Variants in CDK10 observed in about 807,000 individuals in gnomAD.
The protein encoded by CDK10 is cyclin-dependent kinase 10.
A neutral mutation model predicts 51.0 loss-of-function variants in CDK10; 55 were observed. That is an observed-to-expected ratio of 1.08 (90% CI 0.87 to 1.35). The LOEUF (loss-of-function observed/expected upper bound fraction) is 1.35. Among genes scored for constraint, CDK10 ranks in the 40% most tolerant of loss-of-function variants. CDK10 has a pLI of 0.00. For missense variants in CDK10, 589 were observed against 485.1 expected (o/e 1.21, Z -2.01); for synonymous variants, 255 against 199.1 (o/e 1.28, Z -2.36).
intron 1 of CDK10, chr16:89,687,590 G>C: frequency 2.2e-6 from 1 of 447,590 alleles, no homozygotes; most frequent in Non-Finnish European, 4.6e-6. Context: ...TTGAGACAGG[G>C]TCTAGCGCTC....
intron 12 of CDK10, 41 bp downstream of exon 12, chr16:89,695,386 C>G (rs2060673809): frequency 6.3e-7 from 1 of 1,594,612 alleles, no homozygotes; most frequent in Non-Finnish European, 8.6e-7. Flanking sequence ...TGGGGTATGG[C>G]TGGGAGCCCG....
chr16:89,689,355 C>T, intron 2 of CDK10, 31 bp downstream of exon 2: 12 of 1,593,588 alleles, frequency 7.5e-6, no homozygotes, highest in South Asian at 1.1e-5. Flanking sequence ...CATGTGGCCG[C>T]AGCTCGTGGC....
intron 8 of CDK10, 183 bp downstream of exon 8, chr16:89,693,650 G>A (rs1005368872): frequency 1.6e-6 from 1 of 625,294 alleles, no homozygotes; most frequent in South Asian, 1.9e-5. Flanking sequence ...CCACAAAATG[G>A]TGAGAGACGG....
chr16:89,694,828 C>T (rs2060628448), intron 10 of CDK10, 40 bp downstream of exon 10: 1 of 1,202,248 alleles, frequency 8.3e-7, no homozygotes, highest in African/African-American at 1.7e-5. Context: ...CGCCCGTGCC[C>T]ACGCCCTCTG....
At chr16:89,690,699 C>T (rs2060405862) in intron 3 of CDK10, 75 bp downstream of exon 3, 26 of 1,280,888 alleles carry the variant, frequency 2.0e-5, no homozygotes, top group Non-Finnish European at 2.9e-5. Context: ...GAAGTTTCCT[C>T]AGAGCGACTG....
At chr16:89,690,921 T>TGCCATGCCCCA (rs1486610815) in intron 3 of CDK10, among the ~76,000 whole-genome samples, 71 of 152,230 alleles carry the variant, frequency 4.7e-4, no homozygotes, top group African/African-American at 1.6e-3. Flanking sequence ...GGCAGGGCCC[T>TGCCATGCCCCA]GCCATGCCCC....
chr16:89,691,760 C>A, intron 4 of CDK10, 46 bp from the exon 5 acceptor site: 1 of 1,579,192 alleles, frequency 6.3e-7, no homozygotes, highest in Non-Finnish European at 8.7e-7. Context: ...ACTTCCACCC[C>A]TTAGGAGAAG....
intron 6 of CDK10, 98 bp from the exon 7 acceptor site, chr16:89,693,176 A>C: frequency 9.9e-7 from 1 of 1,005,908 alleles, no homozygotes; most frequent in Non-Finnish European, 1.5e-6. Context: ...CCCAAAGCTG[A>C]GGAAACGTGC....
intron 12 of CDK10, 90 bp downstream of exon 12, chr16:89,695,435 CCTCA>C: frequency 6.7e-7 from 1 of 1,498,916 alleles, no homozygotes; most frequent in South Asian, 1.2e-5. Context: ...GGCCTGCTGC[CCTCA>C]CTGACGGCAC....
intron 1 of CDK10, among the ~76,000 whole-genome samples, chr16:89,688,872 G>A (rs1418050489): frequency 3.3e-5 from 5 of 152,148 alleles, no homozygotes; most frequent in Admixed American, 6.5e-5. Context: ...AGGCCAAGGC[G>A]GGCAGATCAC....
At chr16:89,687,627 G>A in intron 1 of CDK10, 1 of 444,444 alleles carries the variant, frequency 2.3e-6, no homozygotes. Context: ...GCAGTGGCGT[G>A]ATCACGGCTC....
intron 3 of CDK10, 109 bp from the exon 4 acceptor site, chr16:89,691,334 G>T: frequency 1.4e-6 from 1 of 718,576 alleles, no homozygotes; most frequent in Non-Finnish European, 2.2e-6. Flanking sequence ...CTGAGGTGGG[G>T]ACACTGCAGC....
Position 89,692,001 on chromosome 16 carries a change from C to G in CDK10, c.417+114C>G, listed in dbSNP as rs370046882. 9 of 810,694 alleles carry G rather than the reference C, an allele frequency of 1.1e-5. No individual in the cohort carries two copies. In the African/African-American group the frequency reaches 1.4e-4, roughly 12 times the overall value. 50.2% of individuals were successfully genotyped at this position (810,694 alleles called of 1,614,324 possible). ...TGAAGAGCTGCTGCTGCCTCTGCCTCCACCTCCCAGTGTTTCAGCGAGCTT... is the reference window on the plus strand; with the variant it reads ...TGAAGAGCTGCTGCTGCCTCTGCCTGCACCTCCCAGTGTTTCAGCGAGCTT... On this transcript the variant is annotated intron_variant, in intron 5 of 12. Coordinates refer to ENST00000353379, the MANE Select transcript of CDK10 (RefSeq NM_052988.5).
In CDK10 at chr16:89,691,441, A is replaced by G. The variant is rs774423581; in HGVS notation, c.233-2A>G. On this transcript the variant is annotated splice_acceptor_variant, in intron 3 of 12. Coordinates refer to ENST00000353379, the MANE Select transcript of CDK10 (RefSeq NM_052988.5). LOFTEE classifies it high-confidence loss of function. ...GCTCGCTGAGGCCACCTCCCTCCCC[A>G]GGCATCCCCATCAGCAGCTTGCGGG... 3 of 1,600,180 alleles carry G rather than the reference A, an allele frequency of 1.9e-6. No individual in the cohort carries two copies. Among genetic ancestry groups the G allele is most frequent in the Non-Finnish European group, 2.6e-6 (3 of 1,171,724 alleles).
At position 89,687,729 on chromosome 16, in the gene CDK10, G is replaced by A; in HGVS notation, c.87+932G>A. ...AGGCGTGAGCCACCGCCCCCAGCCT[G>A]GCCTGGCATTTCTTTGAGTTCAGGA... is the stretch of plus-strand genomic sequence containing the variant. On this transcript the variant is annotated intron_variant, in intron 1 of 12. Coordinates refer to ENST00000353379, the MANE Select transcript of CDK10 (RefSeq NM_052988.5). The A allele has an allele frequency of 1.1e-5, 4 of 379,508 alleles. 1 individual carries two copies. The highest frequency in any genetic ancestry group is 7.6e-5 in the South Asian group (4 of 52,958). The allele number at this position is 379,508 out of a possible 1,614,324, so 23.5% of individuals were successfully genotyped here.
rs767483667 is a variant in CDK10, at chr16:89,686,729, G to T, written c.19G>T (p.Glu7Ter). 6 of 1,609,666 alleles carry T rather than the reference G, an allele frequency of 3.7e-6. No homozygotes were observed. Among genetic ancestry groups the T allele is most frequent in the Non-Finnish European group, 5.1e-6 (6 of 1,177,984 alleles). The change falls in exon 1 of 13, where the codon GAG becomes TAG. Residue 7 changes from glutamate (E) to a stop codon, truncating the protein, a stop_gained. Transcript: ENST00000353379. LOFTEE classifies it high-confidence loss of function. ...GCTCGGCATGGCGGAGCCAGATCTG[G>T]AGTGCGAGCAGATCCGTCTGAAGTG... is the stretch of plus-strand genomic sequence containing the variant. MAEPDL[E>*]CEQIRLKCIR... is the part of the protein sequence containing the mutation.
intron 4 of CDK10, 21 bp downstream of exon 4, chr16:89,691,566 C>T (rs2060451119): frequency 6.3e-7 from 1 of 1,584,056 alleles, no homozygotes; most frequent in Non-Finnish European, 8.7e-7. Flanking sequence ...TCCTGGTCTG[C>T]ACATTGGGCC....
chr16:89,694,140 C>T (rs774351318), intron 8 of CDK10, 33 bp from the exon 9 acceptor site: 39 of 1,610,536 alleles, frequency 2.4e-5, no homozygotes, highest in Non-Finnish European at 2.5e-5. Context: ...GGAGAGGAGC[C>T]GGCTGTATTG....
At chr16:89,687,954 G>A (rs1178592315) in intron 1 of CDK10, 1 of 231,938 alleles carries the variant, frequency 4.3e-6, no homozygotes, top group Admixed American at 5.1e-5. Context: ...GCTCACACCT[G>A]TAATCTCAGC....
Sources: allele counts gnomAD v4.1 joint callset (sites outside exome capture counted in the v4.1 genomes callset), GRCh38; gene constraint gnomAD v4.1.1; transcripts MANE v1.5; gene names NCBI Gene and HGNC (gene_info 2026-07-23, HGNC 2026-07-21).